RGS17: variants seen among roughly 807,000 people sequenced by gnomAD.
RGS17 encodes the protein regulator of G protein signaling 17.
Under a neutral mutation model 25.5 loss-of-function variants are expected in RGS17, and 12 were observed. The ratio of observed to expected loss-of-function variants is 0.47; its 90% CI spans 0.30 to 0.76. The LOEUF (loss-of-function observed/expected upper bound fraction) is 0.76, where lower values mean the gene tolerates loss of function less well. Among genes scored for constraint, RGS17 ranks in the 30% least tolerant of loss-of-function variants. The probability of loss-of-function intolerance (pLI) is 0.07; values close to 1 mark genes in which losing one functional copy is unlikely to be tolerated. For missense variants in RGS17, 196 were observed against 242.2 expected (o/e 0.81, Z 1.27); for synonymous variants, 71 against 76.9 (o/e 0.92, Z 0.40).
At chr6:153,023,279 G>T (rs769118979) in intron 4 of RGS17, 84 of 406,962 alleles carry the variant, frequency 2.1e-4, no homozygotes, top group Admixed American at 7.6e-4. Context: ...ATGTTCAGGT[G>T]CACAAGAGAG....
chr6:153,016,186 A>G (rs1360011112), intron 4 of RGS17, among the ~76,000 whole-genome samples: 1 of 152,256 alleles, frequency 6.6e-6, no homozygotes, highest in East Asian at 1.9e-4. Flanking sequence ...TGAGGTCACT[A>G]TCAAGTACAA....
intron 2 of RGS17, among the ~76,000 whole-genome samples, chr6:153,038,014 G>T (rs1377203836): frequency 1.3e-5 from 2 of 152,236 alleles, no homozygotes; most frequent in African/African-American, 2.4e-5. Context: ...TATTACCAAG[G>T]TCATCCCCAA....
At chr6:153,077,486 A>G (rs1395895848) in intron 1 of RGS17, among the ~76,000 whole-genome samples, 1 of 152,250 alleles carries the variant, frequency 6.6e-6, no homozygotes, top group Non-Finnish European at 1.5e-5. Flanking sequence ...CTTTGATAAT[A>G]TATACTGAAG....
intron 4 of RGS17, among the ~76,000 whole-genome samples, chr6:153,016,476 A>G (rs927515383): frequency 6.6e-6 from 1 of 152,186 alleles, no homozygotes; most frequent in Non-Finnish European, 1.5e-5. Flanking sequence ...CTTAAAAAGT[A>G]GTATCATTAA....
chr6:153,076,553 G>A (rs1302003452), intron 1 of RGS17, among the ~76,000 whole-genome samples: 2 of 152,134 alleles, frequency 1.3e-5, no homozygotes, highest in African/African-American at 4.8e-5. Context: ...GAGCTGGATG[G>A]AGAAATAGTG....
At chr6:153,023,183 C>T (rs893753211) in intron 4 of RGS17, among the ~76,000 whole-genome samples, 4 of 152,098 alleles carry the variant, frequency 2.6e-5, no homozygotes, top group Admixed American at 6.6e-5. Flanking sequence ...ACACTAATTC[C>T]TTTTATAGAT....
At chr6:153,039,333 A>C (rs1295144184) in intron 2 of RGS17, among the ~76,000 whole-genome samples, 3 of 152,148 alleles carry the variant, frequency 2.0e-5, no homozygotes, top group Non-Finnish European at 4.4e-5. Context: ...TTCAAATGAA[A>C]GCTTTTACCT....
chr6:153,054,066 A>G (rs186507861), intron 1 of RGS17, among the ~76,000 whole-genome samples: 13,251 of 64,958 alleles, frequency 0.2, 3,087 homozygotes, highest in Non-Finnish European at 0.27. Flanking sequence ...TAATATATAT[A>G]CATATATATA....
At chr6:153,068,738 G>T (rs918382091) in intron 1 of RGS17, among the ~76,000 whole-genome samples, 2 of 152,088 alleles carry the variant, frequency 1.3e-5, no homozygotes, top group African/African-American at 2.4e-5. Context: ...TATATAAAAA[G>T]ATCAAACAAA....
rs1211537658 is a variant in RGS17, at chr6:153,010,373, AT to A, written c.*1200del. 6.6e-6 allele frequency: 1 copy of A among 152,046 alleles called. No homozygotes were observed. Among genetic ancestry groups the A allele is most frequent in the African/African-American group, 2.4e-5 (1 of 41,460 alleles). 9.4% of individuals were successfully genotyped at this position (152,046 alleles called of 1,614,324 possible). A position where few individuals can be genotyped will look rare whatever the true frequency, so the allele number is the denominator to read the frequency against. Reference sequence around the variant, plus strand: ...TAAAAAATAATATGGCAGCTGGAAGATTTGAGCACTGTACTGCCTTTTAATG... The same window carrying A: ...TAAAAAATAATATGGCAGCTGGAAGATTGAGCACTGTACTGCCTTTTAATG... On this transcript the variant is annotated 3_prime_UTR_variant, in exon 5 of 5. Transcript: ENST00000206262.
At chr6:153,025,823 G>A (rs976266566) in intron 3 of RGS17, among the ~76,000 whole-genome samples, 106 of 151,348 alleles carry the variant, frequency 7.0e-4, no homozygotes, top group African/African-American at 2.5e-3. Context: ...ATTTCAAATA[G>A]ATTGTTACTA....
At chr6:153,043,098 TCGAGCAGGTTCTCTGAGCTCCC>T (rs1294687639) in intron 2 of RGS17, among the ~76,000 whole-genome samples, 1 of 152,206 alleles carries the variant, frequency 6.6e-6, no homozygotes, top group Non-Finnish European at 1.5e-5. Flanking sequence ...AATCCGGAAC[TCGAGCAGGTTCTCTGAGCTCCC>T]TGGATCATGG....
chr6:153,023,361 G>A, intron 4 of RGS17: 1 of 509,192 alleles, frequency 2.0e-6, no homozygotes, highest in Non-Finnish European at 3.9e-6. Context: ...AAAAGAGGCT[G>A]GGATGGAAAA....
At chr6:153,066,469 G>C (rs576198922) in intron 1 of RGS17, among the ~76,000 whole-genome samples, 55 of 152,244 alleles carry the variant, frequency 3.6e-4, no homozygotes, top group Non-Finnish European at 7.1e-4. Flanking sequence ...CTGAAAAATA[G>C]AGGAGGAGGG....
At chr6:153,110,543 C>T (rs1031259477) in intron 1 of RGS17, among the ~76,000 whole-genome samples, 4 of 152,024 alleles carry the variant, frequency 2.6e-5, no homozygotes, top group South Asian at 2.1e-4. Context: ...AAGAACCCTG[C>T]GACATTATTA....
chr6:153,023,862 G>A (rs181039715), intron 4 of RGS17, among the ~76,000 whole-genome samples: 1 of 152,266 alleles, frequency 6.6e-6, no homozygotes, highest in African/African-American at 2.4e-5. Flanking sequence ...AGAAGTCCTG[G>A]TTAGGCCTTA....
intron 1 of RGS17, among the ~76,000 whole-genome samples, chr6:153,091,572 G>A (rs1744424446): frequency 1.3e-5 from 2 of 151,946 alleles, no homozygotes; most frequent in Non-Finnish European, 1.5e-5. Context: ...TTGCACACAG[G>A]TGCAATCTTG....
chr6:153,067,566 C>T (rs1467831087), intron 1 of RGS17, among the ~76,000 whole-genome samples: 1 of 152,024 alleles, frequency 6.6e-6, no homozygotes, highest in African/African-American at 2.4e-5. Flanking sequence ...ACAACAACCA[C>T]AAATAAAATT....
At chr6:153,082,539 T>C (rs1490557522) in intron 1 of RGS17, among the ~76,000 whole-genome samples, 4 of 152,360 alleles carry the variant, frequency 2.6e-5, no homozygotes, top group East Asian at 3.9e-4. Context: ...AGTTTTACTT[T>C]GTAATTTTTT....
Sources: allele counts gnomAD v4.1 joint callset (sites outside exome capture counted in the v4.1 genomes callset), GRCh38; gene constraint gnomAD v4.1.1; transcripts MANE v1.5; gene names NCBI Gene and HGNC (gene_info 2026-07-23, HGNC 2026-07-21).